Variants in ELP4 observed in about 807,000 individuals in gnomAD.
ELP4 encodes the protein elongator acetyltransferase complex subunit 4, also known as elongator complex protein 4.
ELP4 carries 51 observed loss-of-function variants against 48.9 expected under a neutral mutation model. The ratio of observed to expected loss-of-function variants is 1.04; its 90% CI spans 0.83 to 1.32. The LOEUF is 1.32. Ranked by LOEUF, ELP4 falls within the 40% of genes most tolerant of loss-of-function variation. The probability of loss-of-function intolerance (pLI) is 0.00; values close to 1 mark genes in which losing one functional copy is unlikely to be tolerated. For synonymous variants in ELP4, 210 were observed against 189.2 expected (o/e 1.11, Z -0.90); for missense variants, 519 against 514.6 (o/e 1.01, Z -0.08).
chr11:31,738,497 G>A (rs1947372027), intron 9 of ELP4, among the ~76,000 whole-genome samples: 1 of 151,932 alleles, frequency 6.6e-6, no homozygotes, highest in Admixed American at 6.6e-5. Context: ...ACACTGCGGG[G>A]GGCTAAGGCT....
chr11:31,783,354 T>C (rs1370814543), intron 9 of ELP4, 39 bp from the exon 10 acceptor site: 1 of 1,588,514 alleles, frequency 6.3e-7, no homozygotes, highest in African/African-American at 1.4e-5. Flanking sequence ...TTTTTTCTTC[T>C]TTCTTCTTTT....
In ELP4 at chr11:31,578,789, C is replaced by T. The variant is rs1373257834; in HGVS notation, c.382-15981C>T. Among the ~76,000 whole-genome samples the T allele has an allele frequency of 1.3e-5, 2 of 152,162 alleles. 1 individual carries two copies. The highest frequency in any genetic ancestry group is 4.1e-4 in the South Asian group (2 of 4,828). On this transcript the variant is annotated intron_variant, in intron 3 of 9. Transcript: ENST00000640961. ...CTTACACCTTATACAAAAATTAATTCAAGATGGATTAAAGACTTAAATGTT... is the reference window on the plus strand; with the variant it reads ...CTTACACCTTATACAAAAATTAATTTAAGATGGATTAAAGACTTAAATGTT...
At chr11:31,558,285 C>T (rs1434801236) in intron 3 of ELP4, among the ~76,000 whole-genome samples, 1 of 151,942 alleles carries the variant, frequency 6.6e-6, no homozygotes, top group East Asian at 1.9e-4. Flanking sequence ...CAGTGACCTA[C>T]ATTTCTAGCC....
chr11:31,711,101 C>G (rs1946734169), intron 9 of ELP4, among the ~76,000 whole-genome samples: 1 of 152,186 alleles, frequency 6.6e-6, no homozygotes, highest in Admixed American at 6.5e-5. Flanking sequence ...CTCTGTTACA[C>G]TCTAACTGAA....
At chr11:31,565,042 T>C (rs1334988252) in intron 3 of ELP4, among the ~76,000 whole-genome samples, 1 of 152,216 alleles carries the variant, frequency 6.6e-6, no homozygotes, top group Non-Finnish European at 1.5e-5. Context: ...GCACCTGTTA[T>C]TTCCTGACTT....
At chr11:31,595,115 G>A (rs1292653988) in intron 4 of ELP4, among the ~76,000 whole-genome samples, 4 of 152,064 alleles carry the variant, frequency 2.6e-5, no homozygotes, top group African/African-American at 9.7e-5. Context: ...CTTCCATAAT[G>A]CCCATATAGA....
rs1306219450 is a variant in ELP4, at chr11:31,582,701, G to A, written c.382-12069G>A. ...ACTAATTGTAAGTGCTGTGTGTTTG[G>A]GCATGAAACTTATGAACTAGTAGGT... On this transcript the variant is annotated intron_variant, in intron 3 of 9. Transcript: ENST00000640961. 2.0e-5 allele frequency among the ~76,000 whole-genome samples: 3 copies of A among 152,168 alleles called. No individual in the cohort carries two copies. In the East Asian group the frequency reaches 5.8e-4, roughly 29 times the overall value.
chr11:31,601,267 TTA>T (rs1279303150), intron 4 of ELP4, among the ~76,000 whole-genome samples: 3 of 152,124 alleles, frequency 2.0e-5, no homozygotes, highest in African/African-American at 7.2e-5. Flanking sequence ...TATGTTAATG[TTA>T]TATGTCTTGA....
intron 5 of ELP4, among the ~76,000 whole-genome samples, chr11:31,609,882 CA>C (rs1957944893): frequency 6.6e-6 from 1 of 151,682 alleles, no homozygotes; most frequent in South Asian, 2.1e-4. Context: ...CAAAAACAAA[CA>C]AACAAAAAAT....
At chr11:31,666,169 C>T (rs1024138290) in intron 9 of ELP4, among the ~76,000 whole-genome samples, 15 of 151,410 alleles carry the variant, frequency 9.9e-5, no homozygotes, top group Admixed American at 8.6e-4. Flanking sequence ...CTACCACACC[C>T]GACTAGTCTT....
intron 9 of ELP4, among the ~76,000 whole-genome samples, chr11:31,703,170 G>A (rs1946562744): frequency 6.6e-6 from 1 of 152,078 alleles, no homozygotes; most frequent in South Asian, 2.1e-4. Flanking sequence ...TACGTGTTTG[G>A]TCTCCTAGGA....
chr11:31,620,682 T>A (rs1944602123), intron 5 of ELP4, among the ~76,000 whole-genome samples: 1 of 151,964 alleles, frequency 6.6e-6, no homozygotes, highest in Non-Finnish European at 1.5e-5. Flanking sequence ...AAACCTTGTT[T>A]ACATCAGTAA....
intron 7 of ELP4, among the ~76,000 whole-genome samples, chr11:31,638,948 C>T (rs1945033615): frequency 6.6e-6 from 1 of 151,806 alleles, no homozygotes; most frequent in Non-Finnish European, 1.5e-5. Context: ...TGTGAGTTTA[C>T]AGCTATAAAT....
chr11:31,557,515 A>G (rs1956949324), intron 3 of ELP4, among the ~76,000 whole-genome samples: 1 of 152,020 alleles, frequency 6.6e-6, no homozygotes, highest in Non-Finnish European at 1.5e-5. Flanking sequence ...GAGAACAAAA[A>G]TTAGAAGTCT....
At chr11:31,726,521 C>T (rs1318086643) in intron 9 of ELP4, among the ~76,000 whole-genome samples, 6 of 152,224 alleles carry the variant, frequency 3.9e-5, no homozygotes, top group South Asian at 2.1e-4. Flanking sequence ...TGCTGTGTAA[C>T]GCTAATTCTA....
intron 9 of ELP4, 101 bp downstream of exon 9, chr11:31,650,322 A>G: frequency 2.1e-6 from 1 of 480,792 alleles, no homozygotes. Flanking sequence ...TTTTACTTTA[A>G]TGAAATTCTT....
At chr11:31,744,990 C>T (rs1259982196) in intron 9 of ELP4, among the ~76,000 whole-genome samples, 2 of 152,026 alleles carry the variant, frequency 1.3e-5, no homozygotes, top group Non-Finnish European at 2.9e-5. Context: ...TCTAGAAAAC[C>T]CCATCGTCTC....
Position 31,710,603 on chromosome 11 carries a change from TGACA to T in ELP4, c.1143+60389_1143+60392del, listed in dbSNP as rs539775760. Among the ~76,000 whole-genome samples the T allele has an allele frequency of 2.0e-3, 290 of 146,854 alleles. 3 individuals are homozygous for T. Among genetic ancestry groups the T allele is most frequent in the African/African-American group, 6.4e-3 (253 of 39,574 alleles). On this transcript the variant is annotated intron_variant, in intron 9 of 9. Transcript: ENST00000640961. ...TCGTGCCACTGCACTCTGGCCTAGG[TGACA>T]GACAGAGACCCCATCTGAAAAAAAA...
chr11:31,780,961 C>T (rs1443878624), intron 9 of ELP4, among the ~76,000 whole-genome samples: 1 of 152,188 alleles, frequency 6.6e-6, no homozygotes, highest in Admixed American at 6.5e-5. Context: ...CAGATCCCTA[C>T]CCCATAAAGC....
Sources: allele counts gnomAD v4.1 joint callset (sites outside exome capture counted in the v4.1 genomes callset), GRCh38; gene constraint gnomAD v4.1.1; transcripts MANE v1.5; gene names NCBI Gene and HGNC (gene_info 2026-07-23, HGNC 2026-07-21).